TMEM229B: variants seen among roughly 807,000 people sequenced by gnomAD.
TMEM229B encodes the protein transmembrane protein 229B, also known as chromosome 14 open reading frame 83.
In TMEM229B, 6 loss-of-function variants were observed where a neutral mutation model predicts 13.7. The observed-to-expected ratio is 0.44, with a 90% CI of 0.24 to 0.86. TMEM229B has a LOEUF of 0.86. TMEM229B is among the 40% of genes least tolerant of loss of function. TMEM229B has a pLI of 0.23. For missense variants in TMEM229B, 170 were observed against 236.0 expected, an observed-to-expected ratio of 0.72 and a Z score of 1.83; for synonymous variants, 107 against 102.1, an observed-to-expected ratio of 1.05 and a Z score of -0.29.
intron 1 of TMEM229B, among the ~76,000 whole-genome samples, chr14:67,531,973 A>C (rs912473349): frequency 6.6e-6 from 1 of 151,796 alleles, no homozygotes. Context: ...AATCCAGAGA[A>C]CGTGTTTTTG....
chr14:67,518,834 G>A (rs1349245121), upstream of TMEM229B, among the ~76,000 whole-genome samples: 1 of 152,232 alleles, frequency 6.6e-6, no homozygotes, highest in Non-Finnish European at 1.5e-5. Flanking sequence ...GGTGATTCCA[G>A]TGGAGGAACT....
rs150238526 is a variant in TMEM229B, at chr14:67,507,157, C to T, written c.-192+7929G>A. 3.8e-4 allele frequency among the ~76,000 whole-genome samples: 58 copies of T among 152,186 alleles called. 1 individual carries two copies. The East Asian group carries it at 0.01, about 27-fold the overall frequency. On this transcript the variant is annotated intron_variant, in intron 1 of 2. Coordinates refer to the TMEM229B transcript ENST00000357461. ...TTAGGGCAACAGAGGGGGTTATACT[C>T]TCGCTAACACTGAGTTGCCCAGAAA...
At chr14:67,532,596 A>T (rs1207204365) in intron 1 of TMEM229B, among the ~76,000 whole-genome samples, 1 of 152,116 alleles carries the variant, frequency 6.6e-6, no homozygotes, top group Non-Finnish European at 1.5e-5. Context: ...AAAATAACAT[A>T]TACATAAGCC....
At chr14:67,489,387 A>C (rs929648711), upstream of TMEM229B, among the ~76,000 whole-genome samples, 27 of 152,202 alleles carry the variant, frequency 1.8e-4, no homozygotes, top group African/African-American at 6.3e-4. Flanking sequence ...AAGTCAGTGT[A>C]AACTACTTAG....
rs17782021 is a variant in TMEM229B, at chr14:67,473,630, G to A, written c.294C>T (p.Phe98=). The A allele has an allele frequency of 0.011, 17,346 of 1,586,536 alleles. 212 individuals carry two copies. The highest frequency in any genetic ancestry group is 0.052 in the Admixed American group (2,789 of 54,148). Residue 98 remains phenylalanine (F), a synonymous_variant, in exon 3 of 3, where the codon TTC becomes TTT. Transcript: ENST00000554480. The surrounding 1 kb of genome is among the most constrained non-coding windows in gnomAD (Gnocchi z 6.5). ...GGGAGTAGTCCCAGGGGCAGGCGTTGAACTGGCGCAGGATGAAGCCGGTGG... is the reference window on the plus strand; with the variant it reads ...GGGAGTAGTCCCAGGGGCAGGCGTTAAACTGGCGCAGGATGAAGCCGGTGG... ...EFTTGFILRQ[F]NACPWDYSQF... is the part of the protein sequence containing the mutation.
rs375403517 is a variant in TMEM229B at position 67,473,471 on chromosome 14, C to T, written c.453G>A (p.Gly151=). The change falls in exon 3 of 3, where the codon GGG becomes GGA. Residue 151 remains glycine, a synonymous_variant. Coordinates refer to ENST00000554480, the MANE Select transcript of TMEM229B (RefSeq NM_001348543.2). The surrounding 1 kb of genome is among the most constrained non-coding windows in gnomAD (Gnocchi z 6.5). ...CCAGGGCTAGGGCGCCGCTGGGCTC[C>T]CCGGGCTCAGCGTCCTTGTCGAAGC... ...RLRFDKDAEP[G]EPSGALALAN... is the part of the protein sequence containing the mutation. The T allele has an allele frequency of 6.2e-6, 10 of 1,614,204 alleles. No homozygotes were observed. The Admixed American group carries it at 8.3e-5, about 13-fold the overall frequency.
intron 1 of TMEM229B, among the ~76,000 whole-genome samples, chr14:67,522,406 C>T (rs2033305151): frequency 6.6e-6 from 1 of 152,138 alleles, no homozygotes; most frequent in Admixed American, 6.5e-5. Flanking sequence ...ATACAAGAAG[C>T]TTAGTCGTCT....
At chr14:67,532,645 G>C (rs999573206) in intron 1 of TMEM229B, among the ~76,000 whole-genome samples, 1 of 152,170 alleles carries the variant, frequency 6.6e-6, no homozygotes. Context: ...TTGAGCTCCG[G>C]AGTTCGAGTC....
chr14:67,498,069 C>T (rs2032461168), intron 1 of TMEM229B, among the ~76,000 whole-genome samples: 1 of 152,136 alleles, frequency 6.6e-6, no homozygotes, highest in Admixed American at 6.5e-5. Flanking sequence ...AGATCCAGAA[C>T]CGCCAAAGAG....
intron 1 of TMEM229B, among the ~76,000 whole-genome samples, chr14:67,525,778 TG>T (rs1352081384): frequency 1.3e-5 from 2 of 152,220 alleles, no homozygotes; most frequent in East Asian, 3.8e-4. Context: ...TTAACAATTT[TG>T]CCTCCCAAAA....
At chr14:67,494,382 T>C (rs1237849637) in intron 1 of TMEM229B, among the ~76,000 whole-genome samples, 1 of 152,182 alleles carries the variant, frequency 6.6e-6, no homozygotes, top group Non-Finnish European at 1.5e-5. Flanking sequence ...TTATGCAGCT[T>C]TCTCAAGGTC....
intron 1 of TMEM229B, among the ~76,000 whole-genome samples, chr14:67,504,073 G>A (rs548647846): frequency 2.6e-5 from 4 of 151,526 alleles, no homozygotes; most frequent in Admixed American, 6.6e-5. Context: ...GAGTGCAGTC[G>A]TGCGATCTCG....
Position 67,473,280 on chromosome 14 carries a change from T to G in TMEM229B, c.*140A>C. The G allele has an allele frequency of 8.3e-7, 1 of 1,209,288 alleles. No individual in the cohort carries two copies. The highest frequency in any genetic ancestry group is 1.2e-6 in the Non-Finnish European group (1 of 863,582). 74.9% of individuals were successfully genotyped at this position (1,209,288 alleles called of 1,614,324 possible). A position where few individuals can be genotyped will look rare whatever the true frequency, so the allele number is the denominator to read the frequency against. On this transcript the variant is annotated 3_prime_UTR_variant, in exon 3 of 3. Coordinates refer to ENST00000554480, the MANE Select transcript of TMEM229B (RefSeq NM_001348543.2). The surrounding 1 kb of genome is among the most constrained non-coding windows in gnomAD (Gnocchi z 6.5). The stretch of plus-strand genomic sequence containing the variant: ...CCCCAACACCGGCCCCCGCGGACGT[T>G]AGGGGGCTCTGTGTGCCCTATAGGG...
chr14:67,499,485 A>C (rs2032519667), intron 1 of TMEM229B, among the ~76,000 whole-genome samples: 1 of 152,240 alleles, frequency 6.6e-6, no homozygotes, highest in Admixed American at 6.5e-5. Context: ...TTATCTCTAC[A>C]GGCCAGGGAA....
At chr14:67,531,282 A>C (rs1047841544) in intron 1 of TMEM229B, among the ~76,000 whole-genome samples, 2 of 152,108 alleles carry the variant, frequency 1.3e-5, no homozygotes, top group Admixed American at 6.5e-5. Flanking sequence ...TTATCTCTTA[A>C]AAGAAAACAA....
chr14:67,473,260 A>G lies in TMEM229B; in HGVS notation c.*160T>C, dbSNP rs977109819. On this transcript the variant is annotated 3_prime_UTR_variant, in exon 3 of 3. Coordinates refer to ENST00000554480, the MANE Select transcript of TMEM229B (RefSeq NM_001348543.2). This position sits in a 1 kb window ranked among gnomAD's most constrained non-coding sequence, Gnocchi z 6.5. ...CCCAACACCTGACCACGGCCCCCCA[A>G]CACCGGCCCCCGCGGACGTTAGGGG... 5 of 988,594 alleles carry G rather than the reference A, an allele frequency of 5.1e-6. No homozygotes were observed. Among genetic ancestry groups the G allele is most frequent in the Non-Finnish European group, 7.3e-6 (5 of 681,398 alleles). The allele number at this position is 988,594 out of a possible 1,614,324, so 61.2% of individuals were successfully genotyped here. A position where few individuals can be genotyped will look rare whatever the true frequency, so the allele number is the denominator to read the frequency against.
At chr14:67,519,068 A>T (rs1241750982), upstream of TMEM229B, among the ~76,000 whole-genome samples, 2 of 152,216 alleles carry the variant, frequency 1.3e-5, no homozygotes, top group African/African-American at 2.4e-5. Context: ...GGGATGGGAC[A>T]TATGGATATG....
intron 1 of TMEM229B, among the ~76,000 whole-genome samples, 192 bp downstream of exon 1, chr14:67,488,316 A>T (rs78586715): frequency 1.1e-3 from 169 of 152,342 alleles, no homozygotes; most frequent in African/African-American, 3.9e-3. Context: ...AGCCGAGGAG[A>T]AGTGAAAGGG....
chr14:67,513,747 G>A (rs928017614), intron 1 of TMEM229B, among the ~76,000 whole-genome samples: 2 of 152,164 alleles, frequency 1.3e-5, no homozygotes, highest in African/African-American at 4.8e-5. Context: ...AGTGCCTTCT[G>A]TCTCACAGGG....
Sources: allele counts gnomAD v4.1 joint callset (sites outside exome capture counted in the v4.1 genomes callset), GRCh38; gene constraint gnomAD v4.1.1; non-coding constraint Gnocchi (gnomAD v3.1); transcripts MANE v1.5; gene names NCBI Gene and HGNC (gene_info 2026-07-23, HGNC 2026-07-21).